The following CSMD1 variants were observed in gnomAD, a reference collection of about 807,000 sequenced individuals.
CSMD1 encodes CUB and Sushi multiple domains 1.
In CSMD1, 213 loss-of-function variants were observed where a neutral mutation model predicts 417.5. That is an observed-to-expected ratio of 0.51 (90% confidence interval 0.46 to 0.57). The LOEUF (loss-of-function observed/expected upper bound fraction) is 0.57, where lower values mean the gene tolerates loss of function less well. Among genes scored for constraint, CSMD1 ranks in the 20% least tolerant of loss-of-function variants. The pLI, the probability that CSMD1 is intolerant of heterozygous loss-of-function variation, is 0.00. For synonymous variants in CSMD1, 2,862 were observed against 1,736.8 expected (o/e 1.65, Z -16.11); for missense variants, 6,923 against 4,529.7 (o/e 1.53, Z -15.17).
intron 5 of CSMD1, among the ~76,000 whole-genome samples, chr8:3,819,272 G>A (rs559364053): frequency 2.8e-4 from 42 of 152,216 alleles, no homozygotes; most frequent in African/African-American, 9.4e-4. Flanking sequence ...TCAGTTATAA[G>A]GAACTTCTCA....
intron 1 of CSMD1, among the ~76,000 whole-genome samples, chr8:4,935,213 G>C (rs561821195): frequency 1.3e-5 from 2 of 152,238 alleles, no homozygotes; most frequent in Admixed American, 6.5e-5. Context: ...TCCCATATGT[G>C]GTCCCTGGAT....
chr8:3,980,054 G>C lies in CSMD1; in HGVS notation c.818+17849C>G, dbSNP rs138216924. Reference sequence around the variant, plus strand: ...AATGGTTCAATTATTTTAAATGACAGACTCACACAAGTAACATCTTCTATT... The same window carrying C: ...AATGGTTCAATTATTTTAAATGACACACTCACACAAGTAACATCTTCTATT... On this transcript the variant is annotated intron_variant, in intron 5 of 69. Coordinates refer to ENST00000635120, the MANE Select transcript of CSMD1 (RefSeq NM_033225.6). 3.1e-3 allele frequency among the ~76,000 whole-genome samples: 477 copies of C among 152,310 alleles called. 2 individuals carry two copies. Among genetic ancestry groups the C allele is most frequent in the African/African-American group, 0.01 (432 of 41,572 alleles).
chr8:4,343,188 C>G (rs1028324666), intron 3 of CSMD1, among the ~76,000 whole-genome samples: 1 of 152,106 alleles, frequency 6.6e-6, no homozygotes, highest in African/African-American at 2.4e-5. Flanking sequence ...AGTGCTTCAG[C>G]TTGCTTTGTT....
At chr8:3,822,252 C>T (rs534556263) in intron 5 of CSMD1, among the ~76,000 whole-genome samples, 5 of 152,206 alleles carry the variant, frequency 3.3e-5, no homozygotes, top group South Asian at 2.1e-4. Flanking sequence ...AACCTCTGGA[C>T]GCATCCCTTA....
intron 33 of CSMD1, among the ~76,000 whole-genome samples, chr8:3,191,802 T>A (rs1259864449): frequency 6.6e-6 from 1 of 152,210 alleles, no homozygotes; most frequent in Non-Finnish European, 1.5e-5. Context: ...CCTTTGAAAT[T>A]TGCTTATTTT....
At chr8:3,793,429 C>T (rs1054936645) in intron 5 of CSMD1, among the ~76,000 whole-genome samples, 1 of 152,122 alleles carries the variant, frequency 6.6e-6, no homozygotes, top group Non-Finnish European at 1.5e-5. Flanking sequence ...TTGCCACTGT[C>T]TCTGCAAGAA....
chr8:3,362,392 T>A (rs935872803), intron 20 of CSMD1, among the ~76,000 whole-genome samples: 1 of 152,168 alleles, frequency 6.6e-6, no homozygotes, highest in Non-Finnish European at 1.5e-5. Context: ...AAACCAATGG[T>A]CAATTCTTAG....
intron 39 of CSMD1, among the ~76,000 whole-genome samples, chr8:3,152,270 T>C (rs889363246): frequency 2.6e-5 from 4 of 152,342 alleles, no homozygotes; most frequent in African/African-American, 9.6e-5. Flanking sequence ...ACAACTGATT[T>C]TACAACAAAC....
intron 5 of CSMD1, among the ~76,000 whole-genome samples, chr8:3,979,120 A>C (rs1209369341): frequency 6.6e-6 from 1 of 152,252 alleles, no homozygotes; most frequent in African/African-American, 2.4e-5. Flanking sequence ...GCTCTACTTC[A>C]CAGTGAAACA....
At chr8:3,965,014 G>C (rs925907013) in intron 5 of CSMD1, among the ~76,000 whole-genome samples, 2 of 152,186 alleles carry the variant, frequency 1.3e-5, no homozygotes, top group Admixed American at 6.5e-5. Context: ...TGTGTATAAA[G>C]TAGGTGATAG....
intron 2 of CSMD1, among the ~76,000 whole-genome samples, chr8:4,506,290 G>A (rs911956109): frequency 8.5e-5 from 13 of 152,060 alleles, no homozygotes; most frequent in East Asian, 5.8e-4. Context: ...TGGAAGCTTC[G>A]GTGATGAAAA....
chr8:3,923,856 C>T (rs1360801057), intron 5 of CSMD1, among the ~76,000 whole-genome samples: 3 of 152,150 alleles, frequency 2.0e-5, no homozygotes, highest in African/African-American at 7.2e-5. Flanking sequence ...TAAGTGAAAT[C>T]ATGCAGTATT....
At chr8:3,923,465 C>T (rs778516179) in intron 5 of CSMD1, among the ~76,000 whole-genome samples, 3 of 152,036 alleles carry the variant, frequency 2.0e-5, no homozygotes, top group Non-Finnish European at 2.9e-5. Context: ...TCTGCATTGC[C>T]ATTTATGTGG....
In CSMD1 at chr8:4,976,757, C is replaced by A. The variant is rs181060407; in HGVS notation, c.85+17575G>T. On this transcript the variant is annotated intron_variant, in intron 1 of 69. Transcript: ENST00000635120. ...CCTTGCTGGAAATGAGCTTCACTTTCATGGCAAATGTGATATGGTAGGTAT... is the reference window on the plus strand; with the variant it reads ...CCTTGCTGGAAATGAGCTTCACTTTAATGGCAAATGTGATATGGTAGGTAT... 3.3e-5 allele frequency among the ~76,000 whole-genome samples: 5 copies of A among 152,300 alleles called. No individual in the cohort carries two copies. In the East Asian group the frequency reaches 7.7e-4, roughly 24 times the overall value.
intron 1 of CSMD1, among the ~76,000 whole-genome samples, chr8:4,976,872 G>C (rs1429583539): frequency 6.6e-6 from 1 of 152,118 alleles, no homozygotes; most frequent in Admixed American, 6.5e-5. Flanking sequence ...AAGAAATATA[G>C]AGGGACATTG....
chr8:4,123,823 G>A (rs1802616089), intron 3 of CSMD1, among the ~76,000 whole-genome samples: 1 of 152,136 alleles, frequency 6.6e-6, no homozygotes, highest in African/African-American at 2.4e-5. Context: ...AAGTTCAAGT[G>A]AGGACCTATA....
intron 5 of CSMD1, among the ~76,000 whole-genome samples, chr8:3,845,769 G>C (rs1563139269): frequency 6.6e-6 from 1 of 151,782 alleles, no homozygotes. Context: ...AACATACTTT[G>C]TACAGCTGTA....
intron 18 of CSMD1, among the ~76,000 whole-genome samples, chr8:3,379,264 A>G (rs1237265400): frequency 6.6e-6 from 1 of 152,228 alleles, no homozygotes; most frequent in African/African-American, 2.4e-5. Context: ...AAACAAATAA[A>G]AAAACATTCC....
At chr8:4,018,821 G>A (rs192056677) in intron 4 of CSMD1, among the ~76,000 whole-genome samples, 2 of 152,252 alleles carry the variant, frequency 1.3e-5, no homozygotes, top group Admixed American at 6.5e-5. Flanking sequence ...CATACAGCGT[G>A]GGACCTTGGT....
Sources: allele counts gnomAD v4.1 joint callset (sites outside exome capture counted in the v4.1 genomes callset), GRCh38; gene constraint gnomAD v4.1.1; transcripts MANE v1.5; gene names NCBI Gene and HGNC (gene_info 2026-07-23, HGNC 2026-07-21).